The following PALLD variants were observed in gnomAD, a reference collection of about 807,000 sequenced individuals.
The protein encoded by PALLD is palladin, cytoskeletal associated protein.
Under a neutral mutation model 123.5 loss-of-function variants are expected in PALLD, and 61 were observed. The observed-to-expected ratio is 0.49, with a 90% CI of 0.40 to 0.61. PALLD has a LOEUF of 0.61. PALLD is among the 20% of genes least tolerant of loss of function. PALLD has a pLI of 0.00. For missense variants in PALLD, 1,273 were observed against 1,377.0 expected, an observed-to-expected ratio of 0.92 and a Z score of 1.20; for synonymous variants, 465 against 496.4, an observed-to-expected ratio of 0.94 and a Z score of 0.84.
At chr4:168,558,882 C>CT (rs1231227935) in intron 2 of PALLD, among the ~76,000 whole-genome samples, 1 of 152,098 alleles carries the variant, frequency 6.6e-6, no homozygotes, top group Non-Finnish European at 1.5e-5. Flanking sequence ...AAAACATGAC[C>CT]TAGGTGTGTC....
rs139046918 is a variant in PALLD at position 168,668,363 on chromosome 4, T to C, written c.1082T>C (p.Ile361Thr). 5.6e-6 allele frequency: 9 copies of C among 1,602,086 alleles called. No homozygotes were observed. In the African/African-American group the frequency reaches 1.2e-4, roughly 21 times the overall value. The part of the protein sequence containing the change: ...GSDTTSAEVF[I>T]EGASSTDSDS... ...GACACAACATCTGCTGAGGTGTTCA[T>C]TGAAGGTAAGGAGGGGTGCCTGGTA... Residue 361 changes from isoleucine to threonine, a missense_variant, in exon 3 of 22, where the codon ATT becomes ACT. Transcript: ENST00000505667.
chr4:168,513,935 T>C (rs1762759470), intron 2 of PALLD, among the ~76,000 whole-genome samples: 1 of 151,952 alleles, frequency 6.6e-6, no homozygotes, highest in Admixed American at 6.6e-5. Flanking sequence ...TGAAACCCCC[T>C]CTCTACTAAA....
At chr4:168,801,569 C>T (rs1739335654) in intron 10 of PALLD, among the ~76,000 whole-genome samples, 3 of 152,204 alleles carry the variant, frequency 2.0e-5, no homozygotes, top group African/African-American at 4.8e-5. Context: ...TGAGCCACCA[C>T]GCCCAGCCTG....
chr4:168,806,882 A>G (rs980585060), intron 10 of PALLD, among the ~76,000 whole-genome samples: 1 of 152,184 alleles, frequency 6.6e-6, no homozygotes, highest in Non-Finnish European at 1.5e-5. Context: ...ATATATATAT[A>G]CACATATATG....
intron 10 of PALLD, among the ~76,000 whole-genome samples, chr4:168,811,655 G>C (rs1741130732): frequency 6.6e-6 from 1 of 152,126 alleles, no homozygotes; most frequent in African/African-American, 2.4e-5. Flanking sequence ...AGGATCACTT[G>C]AGCTCAGCAA....
chr4:168,863,351 C>T (rs910952001), intron 10 of PALLD, among the ~76,000 whole-genome samples: 2 of 152,152 alleles, frequency 1.3e-5, no homozygotes, highest in Admixed American at 6.5e-5. Flanking sequence ...AACAGCTCCG[C>T]GCAGATCTCA....
chr4:168,734,670 A>G (rs1787550262), intron 10 of PALLD, among the ~76,000 whole-genome samples: 1 of 152,198 alleles, frequency 6.6e-6, no homozygotes, highest in African/African-American at 2.4e-5. Context: ...CAAGGAGTAC[A>G]ATATTCTATT....
chr4:168,799,379 G>A (rs1738983654), intron 10 of PALLD, among the ~76,000 whole-genome samples: 1 of 152,176 alleles, frequency 6.6e-6, no homozygotes. Context: ...TTTGTCCAGG[G>A]TAGTCAGCTG....
intron 2 of PALLD, among the ~76,000 whole-genome samples, chr4:168,586,505 C>T (rs541425718): frequency 1.1e-4 from 16 of 152,136 alleles, no homozygotes; most frequent in Non-Finnish European, 1.9e-4. Flanking sequence ...AGAGGAGGAG[C>T]GAATCCCTCT....
chr4:168,525,331 C>A (rs1360137869), intron 2 of PALLD, among the ~76,000 whole-genome samples: 1 of 152,176 alleles, frequency 6.6e-6, no homozygotes, highest in East Asian at 1.9e-4. Context: ...TTGAAGAAAT[C>A]AAATTAACTT....
chr4:168,580,932 G>A (rs1770201970), intron 2 of PALLD, among the ~76,000 whole-genome samples: 1 of 151,882 alleles, frequency 6.6e-6, no homozygotes, highest in African/African-American at 2.4e-5. Context: ...AGAACATGTG[G>A]ACAGGAGGAG....
intron 2 of PALLD, among the ~76,000 whole-genome samples, chr4:168,573,566 G>A (rs1273281036): frequency 6.6e-6 from 1 of 152,010 alleles, no homozygotes; most frequent in Non-Finnish European, 1.5e-5. Context: ...TTTATTGGTG[G>A]GGGACAATAA....
chr4:168,920,511 G>C (rs1453468653), intron 17 of PALLD, among the ~76,000 whole-genome samples: 3 of 152,072 alleles, frequency 2.0e-5, no homozygotes, highest in Non-Finnish European at 2.9e-5. Flanking sequence ...TTGGGGGTAG[G>C]GGGTAAAAAG....
intron 2 of PALLD, among the ~76,000 whole-genome samples, chr4:168,605,719 T>C (rs1489132591): frequency 2.6e-5 from 4 of 152,208 alleles, no homozygotes; most frequent in Non-Finnish European, 5.9e-5. Context: ...TCTCTGTAGC[T>C]GCTACCACCC....
At chr4:168,598,716 C>T (rs1561288937) in intron 2 of PALLD, 2 of 395,408 alleles carry the variant, frequency 5.1e-6, no homozygotes, top group East Asian at 8.6e-5. Context: ...AAGCTGTACC[C>T]TTGCCTCCTA....
At chr4:168,561,884 G>A (rs1000110611) in intron 2 of PALLD, among the ~76,000 whole-genome samples, 1 of 152,086 alleles carries the variant, frequency 6.6e-6, no homozygotes, top group African/African-American at 2.4e-5. Flanking sequence ...GGAAAAAAAA[G>A]AGCTACCGTG....
Position 168,921,720 on chromosome 4 carries a change from A to C in PALLD, c.3037A>C (p.Ser1013Arg). 6.2e-7 allele frequency: 1 copy of C among 1,611,570 alleles called. No homozygotes were observed. The highest frequency in any genetic ancestry group is 8.5e-7 in the Non-Finnish European group (1 of 1,179,748). The change falls in exon 18 of 22, where the codon AGC becomes CGC. Residue 1013 changes from serine to arginine, a missense_variant. By Grantham distance (110) the Ser-to-Arg change is moderately radical (BLOSUM62 -1). Around this residue, in one of 2 missense-constraint regions of PALLD, gnomAD observed 329 missense variants for 422.5 expected, o/e 0.78. Coordinates refer to ENST00000505667, the MANE Select transcript of PALLD (RefSeq NM_001166108.2). ...CAACCGAGCAGGACAGAACTCATTC[A>C]GCCTGGAGCTTGTGGTTGCTGGTAG... The part of the protein sequence containing the change: ...ATNRAGQNSF[S>R]LELVVAAKEA...
chr4:168,630,142 C>A (rs373752950), intron 2 of PALLD, among the ~76,000 whole-genome samples: 1 of 152,134 alleles, frequency 6.6e-6, no homozygotes, highest in Non-Finnish European at 1.5e-5. Context: ...TTCTAAGAAC[C>A]CTTGCTGGAG....
intron 2 of PALLD, among the ~76,000 whole-genome samples, chr4:168,541,033 G>T (rs1765560183): frequency 6.6e-6 from 1 of 152,156 alleles, no homozygotes; most frequent in Non-Finnish European, 1.5e-5. Flanking sequence ...GGGCAAAGAT[G>T]ATTGCAGCCT....
Sources: gnomAD v4.1 joint callset for allele counts (sites outside exome capture counted in the v4.1 genomes callset) on GRCh38, gnomAD v4.1.1 for gene constraint, gnomAD v4.1.1 regional missense constraint, MANE v1.5 for transcripts, NCBI Gene and HGNC (gene_info 2026-07-23, HGNC 2026-07-21) for gene names.